SPTSSA: variants seen among roughly 807,000 people sequenced by gnomAD.
SPTSSA encodes serine palmitoyltransferase small subunit A.
SPTSSA carries 8 observed loss-of-function variants against 9.1 expected under a neutral mutation model. That is an observed-to-expected ratio of 0.88 (90% CI 0.51 to 1.58). SPTSSA has a LOEUF of 1.58. Ranked by LOEUF, SPTSSA falls within the 40% of genes most tolerant of loss-of-function variation. The probability of loss-of-function intolerance (pLI) is 0.00; values close to 1 mark genes in which losing one functional copy is unlikely to be tolerated. For synonymous variants in SPTSSA, 42 were observed against 37.7 expected (o/e 1.11, Z -0.41); for missense variants, 100 against 93.8 (o/e 1.07, Z -0.27).
intron 1 of SPTSSA, among the ~76,000 whole-genome samples, chr14:34,459,781 A>T (rs186536185): frequency 1.9e-4 from 29 of 151,798 alleles, no homozygotes; most frequent in Non-Finnish European, 3.4e-4. Flanking sequence ...ACACTGTCTC[A>T]CACACACACA....
At position 34,460,035 on chromosome 14, in the gene SPTSSA, A is replaced by G. The variant is rs543460688; in HGVS notation, c.112+2061T>C. ...GGATTTATGAAATTCAAACTACTTC[A>G]GAGTAAGCCTCCTGACAAGTAGGGA... On this transcript the variant is annotated intron_variant, in intron 1 of 1. Coordinates refer to ENST00000298130, the MANE Select transcript of SPTSSA (RefSeq NM_138288.4). Among the ~76,000 whole-genome samples the G allele has an allele frequency of 6.0e-4, 91 of 152,320 alleles. 2 individuals are homozygous for G. The South Asian group carries it at 0.019, about 31-fold the overall frequency.
rs1883199852 is a variant in SPTSSA at position 34,433,984 on chromosome 14, CAA to C, written c.*1215_*1216del. ...TCTCAAAAAAAAAAAAACAAAAAAA[CAA>C]CCCAGCAACACACATAATTGCCTAA... On this transcript the variant is annotated 3_prime_UTR_variant, in exon 2 of 2. Coordinates refer to ENST00000298130, the MANE Select transcript of SPTSSA (RefSeq NM_138288.4). The C allele has an allele frequency of 7.1e-6, 1 of 141,100 alleles. No individual in the cohort carries two copies. The highest frequency in any genetic ancestry group is 3.0e-5 in the African/African-American group (1 of 33,894). The allele number at this position is 141,100 out of a possible 1,614,324, so 8.7% of individuals were successfully genotyped here.
intron 1 of SPTSSA, among the ~76,000 whole-genome samples, chr14:34,451,293 C>A (rs1240350741): frequency 6.6e-6 from 1 of 152,108 alleles, no homozygotes; most frequent in African/African-American, 2.4e-5. Flanking sequence ...TACATCTTCA[C>A]TAGTCTAAAT....
Position 34,444,965 on chromosome 14 carries a change from G to A in SPTSSA, c.113-9661C>T, listed in dbSNP as rs768705329. Among the ~76,000 whole-genome samples, 55 of 150,798 alleles carry A rather than the reference G, an allele frequency of 3.6e-4. 1 individual carries two copies. Among genetic ancestry groups the A allele is most frequent in the South Asian group, 6.3e-4 (3 of 4,758 alleles). On this transcript the variant is annotated intron_variant, in intron 1 of 1. Coordinates refer to ENST00000298130, the MANE Select transcript of SPTSSA (RefSeq NM_138288.4). Reference sequence around the variant, plus strand: ...AAGTTAGCCAGGCGTGGTGGTGGGCGCCTGTAATCCCAGCTACTTGGGAGG... The same window carrying A: ...AAGTTAGCCAGGCGTGGTGGTGGGCACCTGTAATCCCAGCTACTTGGGAGG...
intron 1 of SPTSSA, among the ~76,000 whole-genome samples, chr14:34,439,552 T>C (rs960380665): frequency 6.6e-6 from 1 of 152,192 alleles, no homozygotes; most frequent in African/African-American, 2.4e-5. Flanking sequence ...ACTACCATGC[T>C]ACTTTTCCAC....
In SPTSSA at chr14:34,434,419, T is replaced by C. The variant is rs887885821; in HGVS notation, c.*782A>G. 1 of 152,616 alleles carries C rather than the reference T, an allele frequency of 6.6e-6. No individual in the cohort carries two copies. The highest frequency in any genetic ancestry group is 1.5e-5 in the Non-Finnish European group (1 of 68,028). The allele number at this position is 152,616 out of a possible 1,614,324, so 9.5% of individuals were successfully genotyped here. ...TGTTAATAGTGACCCTCGGAGGAAA[T>C]GGATTTCTCTTCTATTAAAAACTCT... On this transcript the variant is annotated 3_prime_UTR_variant, in exon 2 of 2. Coordinates refer to ENST00000298130, the MANE Select transcript of SPTSSA (RefSeq NM_138288.4).
At chr14:34,448,647 A>G (rs1007176594) in intron 1 of SPTSSA, among the ~76,000 whole-genome samples, 1 of 152,194 alleles carries the variant, frequency 6.6e-6, no homozygotes, top group African/African-American at 2.4e-5. Flanking sequence ...TTGAGCCCCT[A>G]TGTTCAGGCC....
At chr14:34,443,172 T>TG (rs1883353252) in intron 1 of SPTSSA, among the ~76,000 whole-genome samples, 70 of 60,618 alleles carry the variant, frequency 1.2e-3, no homozygotes, top group East Asian at 2.0e-3. Context: ...TGTGTGTGTG[T>TG]TTTGAGATTG....
chr14:34,454,852 C>A (rs1048276758), intron 1 of SPTSSA, among the ~76,000 whole-genome samples: 7 of 152,138 alleles, frequency 4.6e-5, no homozygotes, highest in African/African-American at 9.7e-5. Context: ...TTTGGGAGGC[C>A]AAGGTGGGTG....
intron 1 of SPTSSA, among the ~76,000 whole-genome samples, chr14:34,437,730 G>A (rs1042451540): frequency 3.3e-5 from 5 of 152,130 alleles, no homozygotes; most frequent in South Asian, 2.1e-4. Context: ...ACAGAAAAAT[G>A]GAGTCAGAAT....
intron 1 of SPTSSA, among the ~76,000 whole-genome samples, chr14:34,442,590 C>A (rs1477369145): frequency 1.3e-5 from 2 of 152,222 alleles, no homozygotes; most frequent in Non-Finnish European, 2.9e-5. Flanking sequence ...TTTACTCTTG[C>A]AGTTGCAATG....
intron 1 of SPTSSA, among the ~76,000 whole-genome samples, chr14:34,457,466 T>C (rs531679083): frequency 6.6e-6 from 1 of 152,282 alleles, no homozygotes; most frequent in East Asian, 1.9e-4. Context: ...AGGTCAGTGG[T>C]TCTCAGTCTA....
At chr14:34,453,102 C>T (rs960614921) in intron 1 of SPTSSA, among the ~76,000 whole-genome samples, 29 of 152,266 alleles carry the variant, frequency 1.9e-4, no homozygotes, top group Middle Eastern at 3.4e-3. Context: ...TGTTAATCGA[C>T]TGTTAATGTT....
chr14:34,455,313 G>C (rs1441799950), intron 1 of SPTSSA, among the ~76,000 whole-genome samples: 1 of 151,836 alleles, frequency 6.6e-6, no homozygotes, highest in African/African-American at 2.4e-5. Context: ...CTTGCAACCA[G>C]AAGGCAAAGG....
At chr14:34,446,599 C>A (rs2138825153) in intron 1 of SPTSSA, among the ~76,000 whole-genome samples, 1 of 152,272 alleles carries the variant, frequency 6.6e-6, no homozygotes, top group Non-Finnish European at 1.5e-5. Context: ...AACACTGGTT[C>A]ACTCCTCTTA....
intron 1 of SPTSSA, among the ~76,000 whole-genome samples, chr14:34,448,601 G>A (rs1883466002): frequency 1.3e-5 from 2 of 152,152 alleles, no homozygotes; most frequent in South Asian, 4.1e-4. Context: ...TCCTCTAGAG[G>A]ATATTTAAAC....
intron 1 of SPTSSA, among the ~76,000 whole-genome samples, chr14:34,435,879 C>T (rs1883234605): frequency 6.6e-6 from 1 of 152,108 alleles, no homozygotes; most frequent in Non-Finnish European, 1.5e-5. Context: ...ATCCACCCAT[C>T]TCAGCCTCCC....
intron 1 of SPTSSA, among the ~76,000 whole-genome samples, chr14:34,444,005 T>C (rs1211994989): frequency 1.3e-5 from 2 of 152,226 alleles, no homozygotes; most frequent in African/African-American, 4.8e-5. Flanking sequence ...CCCAGCAACC[T>C]GGCATGCCAG....
rs913438165 is a variant in SPTSSA, at chr14:34,434,739, C to G, written c.*462G>C. 6.5e-6 allele frequency: 1 copy of G among 152,692 alleles called. No individual in the cohort carries two copies. Among genetic ancestry groups the G allele is most frequent in the East Asian group, 1.9e-4 (1 of 5,202 alleles). 9.5% of individuals were successfully genotyped at this position (152,692 alleles called of 1,614,324 possible). A position where few individuals can be genotyped will look rare whatever the true frequency, so the allele number is the denominator to read the frequency against. Reference sequence around the variant, plus strand: ...TATCTTCCCTCCCCATACCCCTACCCGAAATCTTATATTGTTCTTTACAAA... The same window carrying G: ...TATCTTCCCTCCCCATACCCCTACCGGAAATCTTATATTGTTCTTTACAAA... On this transcript the variant is annotated 3_prime_UTR_variant, in exon 2 of 2. Coordinates refer to ENST00000298130, the MANE Select transcript of SPTSSA (RefSeq NM_138288.4).
Sources: gnomAD v4.1 joint callset for allele counts (sites outside exome capture counted in the v4.1 genomes callset) on GRCh38, gnomAD v4.1.1 for gene constraint, MANE v1.5 for transcripts, NCBI Gene and HGNC (gene_info 2026-07-23, HGNC 2026-07-21) for gene names.